RDH13: variants seen among roughly 807,000 people sequenced by gnomAD.
RDH13 encodes the protein retinol dehydrogenase 13.
In RDH13, 35 loss-of-function variants were observed where a neutral mutation model predicts 28.3. The observed-to-expected ratio is 1.24, with a 90% CI of 0.95 to 1.64. The LOEUF is 1.64. Among genes scored for constraint, RDH13 ranks in the 40% most tolerant of loss-of-function variants. RDH13 has a pLI of 0.00. For missense variants in RDH13, 514 were observed against 446.3 expected (o/e 1.15, Z -1.37); for synonymous variants, 229 against 198.5 (o/e 1.15, Z -1.29).
In RDH13 at chr19:55,044,324, CTTCTTTTTTTT is replaced by C. The variant is rs2075126341; in HGVS notation, c.*739_*749del. 2 of 149,118 alleles carry C rather than the reference CTTCTTTTTTTT, an allele frequency of 1.3e-5. No homozygotes were observed. The highest frequency in any genetic ancestry group is 1.3e-4 in the Admixed American group (2 of 14,982). 9.2% of individuals were successfully genotyped at this position (149,118 alleles called of 1,614,324 possible). A position where few individuals can be genotyped will look rare whatever the true frequency, so the allele number is the denominator to read the frequency against. Reference sequence around the variant, plus strand: ...AAAATCTACGACTCGGGTACATTTTCTTCTTTTTTTTTTCTTTTAAATGAGCAAGTTTGAGA... The same window carrying C: ...AAAATCTACGACTCGGGTACATTTTCTTCTTTTAAATGAGCAAGTTTGAGA... On this transcript the variant is annotated 3_prime_UTR_variant, in exon 7 of 7. Coordinates refer to ENST00000415061, the MANE Select transcript of RDH13 (RefSeq NM_001145971.2).
downstream of RDH13, chr19:55,041,849 G>A (rs548131446): frequency 3.0e-3 from 458 of 152,318 alleles, 2 homozygotes; most frequent in Non-Finnish European, 4.7e-3. Flanking sequence ...TGTGTGTGCT[G>A]CGGGGCTGGA....
intron 3 of RDH13, among the ~76,000 whole-genome samples, chr19:55,052,437 G>A (rs1032517004): frequency 1.6e-4 from 24 of 150,230 alleles, no homozygotes; most frequent in African/African-American, 4.9e-4. Context: ...CCAGCTACTC[G>A]GGAGGCTGAG....
At position 55,045,201 on chromosome 19, in the gene RDH13, C is replaced by T. The variant is rs1201836698; in HGVS notation, c.869G>A (p.Gly290Glu). 2 of 1,613,496 alleles carry T rather than the reference C, an allele frequency of 1.2e-6. No homozygotes were observed. The highest frequency in any genetic ancestry group is 2.7e-5 in the African/African-American group (2 of 74,938). The change falls in exon 7 of 7, where the codon GGA (glycine) becomes GAA (glutamate). Residue 290 changes from glycine to glutamate, a missense_variant. Transcript: ENST00000415061. ...LADVSGKYFD[G>E]LKQKAPAPEA... ...GGGGGCCGGGGCCTTCTGTTTGAGTCCATCGAAGTACTTTCCGGAAACATC... is the reference window on the plus strand; with the variant it reads ...GGGGGCCGGGGCCTTCTGTTTGAGTTCATCGAAGTACTTTCCGGAAACATC...
chr19:55,055,643 C>G lies in RDH13; in HGVS notation c.340+1010G>C, dbSNP rs188829120. ...TCACTTGAGCCCAGGAGTTGGAGAC[C>G]AGCCTGAGCAACATGGTGAAACCCC... is the stretch of plus-strand genomic sequence containing the variant. On this transcript the variant is annotated intron_variant, in intron 3 of 6. Coordinates refer to ENST00000415061, the MANE Select transcript of RDH13 (RefSeq NM_001145971.2). 9.6e-3 allele frequency among the ~76,000 whole-genome samples: 1,439 copies of G among 150,520 alleles called. 62 individuals carry two copies. The highest frequency in any genetic ancestry group is 0.081 in the Admixed American group (1,226 of 15,138).
At chr19:55,048,807 A>T in intron 3 of RDH13, 44 bp from the exon 4 acceptor site, 1 of 1,526,692 alleles carries the variant, frequency 6.6e-7, no homozygotes, top group South Asian at 1.1e-5. Flanking sequence ...GTGAGGACAG[A>T]CCCCAGCCTG....
chr19:55,059,399 C>T, intron 1 of RDH13, 124 bp from the exon 2 acceptor site: 1 of 645,178 alleles, frequency 1.5e-6, no homozygotes. Context: ...ACACAGACAT[C>T]ATCACATCAC....
intron 3 of RDH13, chr19:55,053,957 CCT>C (rs1303483570): frequency 6.6e-6 from 1 of 152,000 alleles, no homozygotes; most frequent in Non-Finnish European, 1.5e-5. Context: ...GAGGCATTGC[CCT>C]CTCACTGTTC....
At chr19:55,064,916 A>G (rs2075931974), upstream of RDH13, among the ~76,000 whole-genome samples, 1 of 139,194 alleles carries the variant, frequency 7.2e-6, no homozygotes, top group Admixed American at 8.2e-5. Flanking sequence ...CCCGGCCGGG[A>G]AGCTGTTTTT....
Position 55,045,314 on chromosome 19 carries a change from A to C in RDH13, c.761-5T>G. On this transcript the variant is annotated splice_region_variant and splice_polypyrimidine_tract_variant and intron_variant, in intron 6 of 6. Transcript: ENST00000415061. ...CCAGCAGCCAGAAGATGGGCCCTGC[A>C]ATCAGCCCACAGGGCATTTAGTCCA... 1 of 1,608,470 alleles carries C rather than the reference A, an allele frequency of 6.2e-7. No homozygotes were observed. Among genetic ancestry groups the C allele is most frequent in the East Asian group, 2.2e-5 (1 of 44,850 alleles).
At chr19:55,059,414 A>C (rs1671176) in intron 1 of RDH13, 139 bp from the exon 2 acceptor site, 467,799 of 619,306 alleles carry the variant, frequency 0.76, 177,953 homozygotes, top group East Asian at 0.96. Context: ...CATCACACCA[A>C]GGGACCTCTG....
At chr19:55,056,544 G>C (rs1307345604) in intron 3 of RDH13, 109 bp downstream of exon 3, 3 of 1,401,080 alleles carry the variant, frequency 2.1e-6, no homozygotes, top group Non-Finnish European at 1.9e-6. Context: ...CTAACTCATA[G>C]TTTGCCAAAA....
chr19:55,061,224 T>C (rs2075798341), intron 1 of RDH13, among the ~76,000 whole-genome samples: 1 of 151,990 alleles, frequency 6.6e-6, no homozygotes, highest in Non-Finnish European at 1.5e-5. Flanking sequence ...GCCTCACAGG[T>C]TCAAGCGATT....
intron 3 of RDH13, among the ~76,000 whole-genome samples, chr19:55,056,140 C>T (rs766114955): frequency 6.6e-5 from 10 of 151,784 alleles, no homozygotes; most frequent in South Asian, 2.1e-4. Flanking sequence ...GGCAACAGAG[C>T]GAGACCCCAT....
downstream of RDH13, chr19:55,042,342 GA>G (rs2075056794): frequency 6.6e-6 from 1 of 152,210 alleles, no homozygotes; most frequent in Non-Finnish European, 1.5e-5. Context: ...TGCCACCGAA[GA>G]GGGGGGATAT....
rs186255259 is a variant in RDH13, at chr19:55,056,009, C to T, written c.340+644G>A. Among the ~76,000 whole-genome samples, 83 of 151,480 alleles carry T rather than the reference C, an allele frequency of 5.5e-4. 1 individual carries two copies. The highest frequency in any genetic ancestry group is 2.0e-3 in the African/African-American group (81 of 41,240). Reference sequence around the variant, plus strand: ...CTCTACCTAAAACACAAAAAATTAGCCAGGCACGGTGGCGGGTGCCTGTAA... The same window carrying T: ...CTCTACCTAAAACACAAAAAATTAGTCAGGCACGGTGGCGGGTGCCTGTAA... On this transcript the variant is annotated intron_variant, in intron 3 of 6. Transcript: ENST00000415061.
chr19:55,044,083 A>AT (rs2075117487), downstream of RDH13: 1 of 151,778 alleles, frequency 6.6e-6, no homozygotes, highest in South Asian at 2.1e-4. Flanking sequence ...TGCCCAGCTA[A>AT]TTTTTTGTAT....
intron 5 of RDH13, chr19:55,048,030 C>A: frequency 7.0e-7 from 1 of 1,438,156 alleles, no homozygotes; most frequent in Non-Finnish European, 9.1e-7. Context: ...CAAAACTGCC[C>A]CTGGTTGAGA....
chr19:55,051,887 A>C (rs1226135647), intron 3 of RDH13, among the ~76,000 whole-genome samples: 1 of 151,610 alleles, frequency 6.6e-6, no homozygotes, highest in Non-Finnish European at 1.5e-5. Flanking sequence ...GCCCGACACC[A>C]CAAGCAGCTA....
At chr19:55,049,021 G>A (rs1040656677) in intron 3 of RDH13, among the ~76,000 whole-genome samples, 11 of 152,122 alleles carry the variant, frequency 7.2e-5, no homozygotes, top group Non-Finnish European at 1.5e-4. Flanking sequence ...AAAGACCGGA[G>A]AGGCACAGCT....
Sources: gnomAD v4.1 joint callset for allele counts (sites outside exome capture counted in the v4.1 genomes callset) on GRCh38, gnomAD v4.1.1 for gene constraint, MANE v1.5 for transcripts, NCBI Gene and HGNC (gene_info 2026-07-23, HGNC 2026-07-21) for gene names.